The following YWHAQ variants were observed in gnomAD, a reference collection of about 807,000 sequenced individuals.
The protein encoded by YWHAQ is tyrosine 3-monooxygenase/tryptophan 5-monooxygenase activation protein theta, also known as 14-3-3 protein theta.
A neutral mutation model predicts 28.3 loss-of-function variants in YWHAQ; 6 were observed. The ratio of observed to expected loss-of-function variants is 0.21; its 90% CI spans 0.12 to 0.42. The LOEUF (loss-of-function observed/expected upper bound fraction) is 0.42, where lower values mean the gene tolerates loss of function less well. Among genes scored for constraint, YWHAQ ranks in the 10% least tolerant of loss-of-function variants. The pLI is 1.00. For missense variants in YWHAQ, 201 were observed against 305.6 expected (o/e 0.66, Z 2.55); for synonymous variants, 143 against 119.1 (o/e 1.20, Z -1.31).
intron 3 of YWHAQ, 39 bp from the exon 4 acceptor site, chr2:9,588,367 TA>T: frequency 6.3e-7 from 1 of 1,598,064 alleles, no homozygotes; most frequent in Non-Finnish European, 8.5e-7. Context: ...ATATTAAAAA[TA>T]ACCATCCAGT....
At chr2:9,586,341 C>T (rs1666343857) in intron 5 of YWHAQ, among the ~76,000 whole-genome samples, 2 of 152,120 alleles carry the variant, frequency 1.3e-5, no homozygotes, top group South Asian at 4.1e-4. Context: ...CTTTATTAGA[C>T]CAACAGCAAG....
Position 9,626,768 on chromosome 2 carries a change from C to G in YWHAQ, c.294+3391G>C, listed in dbSNP as rs569174779. ...TTTTGTGTCTAAATTTTGCTCTTGC[C>G]AACACTCAGTAAGATCACCAATGAC... On this transcript the variant is annotated intron_variant, in intron 2 of 5. Coordinates refer to ENST00000238081, the MANE Select transcript of YWHAQ (RefSeq NM_006826.4). Among the ~76,000 whole-genome samples, 415 of 152,262 alleles carry G rather than the reference C, an allele frequency of 2.7e-3. 1 individual carries two copies. The highest frequency in any genetic ancestry group is 6.8e-3 in the Middle Eastern group (2 of 294).
intron 2 of YWHAQ, among the ~76,000 whole-genome samples, chr2:9,614,732 T>C (rs1231642022): frequency 6.6e-6 from 1 of 152,224 alleles, no homozygotes; most frequent in Non-Finnish European, 1.5e-5. Flanking sequence ...CAAACTGAAT[T>C]AAGCCACTAC....
chr2:9,603,551 G>A (rs1046738084), intron 2 of YWHAQ, among the ~76,000 whole-genome samples: 3 of 151,066 alleles, frequency 2.0e-5, no homozygotes, highest in Admixed American at 6.6e-5. Context: ...CTGTGATTAC[G>A]GGCATGAGCC....
intron 2 of YWHAQ, among the ~76,000 whole-genome samples, chr2:9,596,711 T>TC (rs1666577995): frequency 2.6e-5 from 4 of 151,110 alleles, no homozygotes; most frequent in South Asian, 2.1e-4. Flanking sequence ...GATTTTTTTT[T>TC]TCCCCCTTGA....
chr2:9,597,249 A>G (rs1224887086), intron 2 of YWHAQ, among the ~76,000 whole-genome samples: 1 of 152,214 alleles, frequency 6.6e-6, no homozygotes, highest in African/African-American at 2.4e-5. Flanking sequence ...ACTTAATCCA[A>G]GTTGATCATA....
chr2:9,617,434 GA>G (rs1667060102), intron 2 of YWHAQ, among the ~76,000 whole-genome samples: 1 of 152,098 alleles, frequency 6.6e-6, no homozygotes, highest in African/African-American at 2.4e-5. Flanking sequence ...CAAATTCATA[GA>G]AAGTAGAATG....
At chr2:9,615,964 T>C (rs1013927926) in intron 2 of YWHAQ, among the ~76,000 whole-genome samples, 9 of 152,188 alleles carry the variant, frequency 5.9e-5, no homozygotes, top group South Asian at 2.1e-4. Flanking sequence ...GGTAACAGAA[T>C]TGAAAAGTAT....
intron 2 of YWHAQ, among the ~76,000 whole-genome samples, chr2:9,619,987 GAAC>G (rs764679963): frequency 2.6e-5 from 4 of 152,174 alleles, no homozygotes; most frequent in Non-Finnish European, 4.4e-5. Context: ...AATTATTGAA[GAAC>G]AACAGCAGTA....
Position 9,593,236 on chromosome 2 carries a change from C to CTTT in YWHAQ, c.295-1724_295-1722dup, listed in dbSNP as rs34085406. On this transcript the variant is annotated intron_variant, in intron 2 of 5. Transcript: ENST00000238081. ...CAAAATGCAATCACTGCATCCATGT[C>CTTT]TTTTTTTTTTTTTTTTTTTTTGAGA... 9.1e-4 allele frequency among the ~76,000 whole-genome samples: 104 copies of CTTT among 114,904 alleles called. 2 individuals are homozygous for CTTT. Among genetic ancestry groups the CTTT allele is most frequent in the African/African-American group, 2.9e-3 (89 of 30,930 alleles). The allele number at this position is 114,904 out of a possible 152,430, so 75.4% of individuals were successfully genotyped here. A position where few individuals can be genotyped will look rare whatever the true frequency, so the allele number is the denominator to read the frequency against.
intron 2 of YWHAQ, among the ~76,000 whole-genome samples, chr2:9,623,561 G>A (rs1242022198): frequency 1.3e-5 from 2 of 152,154 alleles, no homozygotes; most frequent in Non-Finnish European, 2.9e-5. Flanking sequence ...ATCACCTGAG[G>A]TCGGGAGTTT....
intron 2 of YWHAQ, among the ~76,000 whole-genome samples, chr2:9,618,391 TAAGGA>T (rs147247916): frequency 0.017 from 2,547 of 152,348 alleles, 80 homozygotes; most frequent in African/African-American, 0.059. Context: ...CTTTGAAACT[TAAGGA>T]AAGGAGATAA....
intron 2 of YWHAQ, among the ~76,000 whole-genome samples, chr2:9,601,656 T>A (rs9750287): frequency 0.97 from 148,079 of 152,228 alleles, 72,057 homozygotes; most frequent in East Asian, 1. Context: ...GATTGTTTTT[T>A]TTTTTTTGAG....
At chr2:9,624,551 T>G (rs944616430) in intron 2 of YWHAQ, among the ~76,000 whole-genome samples, 1 of 151,724 alleles carries the variant, frequency 6.6e-6, no homozygotes, top group African/African-American at 2.4e-5. Flanking sequence ...CGTTGGGGAG[T>G]GTCCTGTGCA....
intron 2 of YWHAQ, among the ~76,000 whole-genome samples, chr2:9,627,927 C>G (rs1354957399): frequency 1.3e-5 from 2 of 152,322 alleles, no homozygotes; most frequent in Admixed American, 6.5e-5. Context: ...CTTTGTGAAG[C>G]CTTTTCAAAG....
At chr2:9,621,471 A>G (rs1667141903) in intron 2 of YWHAQ, among the ~76,000 whole-genome samples, 1 of 152,182 alleles carries the variant, frequency 6.6e-6, no homozygotes, top group Non-Finnish European at 1.5e-5. Context: ...CAACAATTAC[A>G]GTGAACACCC....
chr2:9,601,137 T>C (rs767210495), intron 2 of YWHAQ, among the ~76,000 whole-genome samples: 1 of 152,182 alleles, frequency 6.6e-6, no homozygotes, highest in African/African-American at 2.4e-5. Flanking sequence ...TTGGAAGACA[T>C]TGTGTGGTCA....
intron 2 of YWHAQ, among the ~76,000 whole-genome samples, chr2:9,611,053 T>G (rs1044222913): frequency 6.6e-6 from 1 of 152,188 alleles, no homozygotes; most frequent in Non-Finnish European, 1.5e-5. Flanking sequence ...GTAAGCATAG[T>G]ATACTTTGAG....
At chr2:9,625,653 T>C (rs553566168) in intron 2 of YWHAQ, among the ~76,000 whole-genome samples, 1 of 152,272 alleles carries the variant, frequency 6.6e-6, no homozygotes, top group African/African-American at 2.4e-5. Flanking sequence ...TTTCCTCAAC[T>C]CTGAAACAGA....
Sources: allele counts gnomAD v4.1 joint callset (sites outside exome capture counted in the v4.1 genomes callset), GRCh38; gene constraint gnomAD v4.1.1; transcripts MANE v1.5; gene names NCBI Gene and HGNC (gene_info 2026-07-23, HGNC 2026-07-21).